The following TNS3 variants were observed in gnomAD, a reference collection of about 807,000 sequenced individuals.
TNS3 encodes tensin 3.
Under a neutral mutation model 140.9 loss-of-function variants are expected in TNS3, and 45 were observed. The observed-to-expected ratio is 0.32, with a 90% CI of 0.25 to 0.41. The LOEUF (loss-of-function observed/expected upper bound fraction) is 0.41, where lower values mean the gene tolerates loss of function less well. Among genes scored for constraint, TNS3 ranks in the 10% least tolerant of loss-of-function variants. The probability of loss-of-function intolerance (pLI) is 1.00; values close to 1 mark genes in which losing one functional copy is unlikely to be tolerated. For synonymous variants in TNS3, 815 were observed against 788.4 expected (o/e 1.03, Z -0.56); for missense variants, 1,716 against 1,906.7 (o/e 0.90, Z 1.86).
intron 17 of TNS3, among the ~76,000 whole-genome samples, chr7:47,362,916 C>G (rs1231815900): frequency 9.8e-6 from 1 of 101,786 alleles, no homozygotes; most frequent in Admixed American, 1.1e-4. Flanking sequence ...TCAACATCAC[C>G]ATTACCACCA....
chr7:47,541,287 G>A (rs1229289380), intron 1 of TNS3, among the ~76,000 whole-genome samples: 1 of 152,172 alleles, frequency 6.6e-6, no homozygotes, highest in African/African-American at 2.4e-5. Context: ...GTGACTCAGA[G>A]TTTCCAATCT....
chr7:47,567,702 A>G (rs894040471), intron 1 of TNS3, among the ~76,000 whole-genome samples: 3 of 149,400 alleles, frequency 2.0e-5, no homozygotes, highest in East Asian at 2.0e-4. Context: ...AAAAAAAAAA[A>G]AAGAAGTGAG....
intron 4 of TNS3, among the ~76,000 whole-genome samples, chr7:47,450,900 G>T (rs1452559352): frequency 6.6e-6 from 1 of 152,222 alleles, no homozygotes; most frequent in Non-Finnish European, 1.5e-5. Context: ...ACTTTGGGAG[G>T]CCAAGGCAGG....
chr7:47,382,980 G>T (rs901569711), intron 16 of TNS3, among the ~76,000 whole-genome samples: 5 of 152,114 alleles, frequency 3.3e-5, no homozygotes, highest in East Asian at 1.9e-4. Context: ...CTCCTATTTG[G>T]GACTCCCTAA....
chr7:47,425,471 T>C, intron 9 of TNS3, among the ~76,000 whole-genome samples: 1 of 152,136 alleles, frequency 6.6e-6, no homozygotes, highest in Non-Finnish European at 1.5e-5. Flanking sequence ...AGAAACATAC[T>C]CAAAAGTAAG....
At position 47,400,394 on chromosome 7, in the gene TNS3, T is replaced by C. The variant is rs1386314128; in HGVS notation, c.918A>G (p.Gln306=). 1.2e-6 allele frequency: 2 copies of C among 1,614,080 alleles called. No individual in the cohort carries two copies. The highest frequency in any genetic ancestry group is 1.7e-6 in the Non-Finnish European group (2 of 1,179,954). The stretch of plus-strand genomic sequence containing the variant: ...CCAGTATTCCACCAAGCTACCCACC[T>C]TGAATCTTCTCAGGCGTGGCAGAGA... ...LVFSATPEKI[Q]GSEHLYNDHG... is the part of the protein sequence containing the mutation. Residue 306 remains glutamine (Q), a splice_region_variant and synonymous_variant, in exon 15 of 31, where the codon CAA becomes CAG. Coordinates refer to ENST00000311160, the MANE Select transcript of TNS3 (RefSeq NM_022748.12).
chr7:47,374,536 T>A (rs934578436), intron 16 of TNS3, among the ~76,000 whole-genome samples: 4 of 152,126 alleles, frequency 2.6e-5, no homozygotes, highest in Admixed American at 2.0e-4. Flanking sequence ...TAAGACTCAA[T>A]GCAAAAGCTG....
intron 1 of TNS3, among the ~76,000 whole-genome samples, chr7:47,542,669 A>C (rs1442596978): frequency 6.6e-6 from 1 of 152,110 alleles, no homozygotes; most frequent in Non-Finnish European, 1.5e-5. Flanking sequence ...CGGTGGCTCA[A>C]CCTGTAATCC....
At chr7:47,424,049 T>C in intron 10 of TNS3, 52 bp downstream of exon 10, 1 of 1,561,626 alleles carries the variant, frequency 6.4e-7, no homozygotes, top group Non-Finnish European at 8.8e-7. Flanking sequence ...CACATTTTTA[T>C]ATGTAAAATT....
At position 47,344,745 on chromosome 7, in the gene TNS3, G is replaced by A. The variant is rs746596726; in HGVS notation, c.2650+10C>T. On this transcript the variant is annotated intron_variant, in intron 20 of 30. Coordinates refer to ENST00000311160, the MANE Select transcript of TNS3 (RefSeq NM_022748.12). ...GCCGCGCGCCTGTGACCCGCGGGTA[G>A]ATTTCTTACCACGTCCTCCTTTGTG... The A allele has an allele frequency of 3.7e-6, 6 of 1,609,726 alleles. No individual in the cohort carries two copies. The highest frequency in any genetic ancestry group is 4.2e-6 in the Non-Finnish European group (5 of 1,178,220).
intron 17 of TNS3, among the ~76,000 whole-genome samples, chr7:47,349,762 G>T (rs1789556576): frequency 6.6e-6 from 1 of 152,222 alleles, no homozygotes; most frequent in South Asian, 2.1e-4. Flanking sequence ...CAGGGTTTAA[G>T]ATACTGCAAA....
At position 47,457,946 on chromosome 7, in the gene TNS3, G is replaced by C. The variant is rs1404887852; in HGVS notation, c.-75-15891C>G. Among the ~76,000 whole-genome samples, 3 of 152,194 alleles carry C rather than the reference G, an allele frequency of 2.0e-5. No homozygotes were observed. In the East Asian group the frequency reaches 5.8e-4, roughly 29 times the overall value. On this transcript the variant is annotated intron_variant, in intron 4 of 30. Coordinates refer to ENST00000311160, the MANE Select transcript of TNS3 (RefSeq NM_022748.12). ...TGAACTTGCTCCTAGCAGCTCACAA[G>C]CAGAAGCTTGAGCCTATCAGGAGAC...
intron 4 of TNS3, among the ~76,000 whole-genome samples, chr7:47,450,750 A>T (rs1370635969): frequency 6.6e-6 from 1 of 152,234 alleles, no homozygotes; most frequent in Non-Finnish European, 1.5e-5. Context: ...CCAGGGGCCA[A>T]TATGGGTGCA....
At chr7:47,479,998 G>C (rs991200187) in intron 4 of TNS3, among the ~76,000 whole-genome samples, 1 of 152,364 alleles carries the variant, frequency 6.6e-6, no homozygotes, top group South Asian at 2.1e-4. Context: ...CAGGGGGCAA[G>C]GGCAAGGCCC....
intron 17 of TNS3, among the ~76,000 whole-genome samples, chr7:47,358,579 C>T (rs1240470863): frequency 6.6e-6 from 1 of 152,132 alleles, no homozygotes; most frequent in Admixed American, 6.5e-5. Context: ...CTGTGGGGAG[C>T]GACGCAGCCG....
intron 17 of TNS3, 74 bp downstream of exon 17, chr7:47,368,291 G>A (rs2255749): frequency 0.6 from 817,120 of 1,355,156 alleles, 254,102 homozygotes; most frequent in Non-Finnish European, 0.65. Flanking sequence ...AACCTACTAG[G>A]CTGATTTCTC....
In TNS3 at chr7:47,474,292, TAAACACAC is replaced by T. The variant is rs1181650418; in HGVS notation, c.-76+6803_-76+6810del. Among the ~76,000 whole-genome samples the T allele has an allele frequency of 1.4e-4, 12 of 86,874 alleles. No homozygotes were observed. The South Asian group carries it at 5.2e-3, about 38-fold the overall frequency. The allele number at this position is 86,874 out of a possible 152,430, so 57.0% of individuals were successfully genotyped here. ...ACACTTCACACACAACACACACACA[TAAACACAC>T]ACAGCACACACACCTCACATAACCC... On this transcript the variant is annotated intron_variant, in intron 4 of 30. Coordinates refer to ENST00000311160, the MANE Select transcript of TNS3 (RefSeq NM_022748.12).
chr7:47,445,446 G>A (rs1425165211), intron 4 of TNS3, among the ~76,000 whole-genome samples: 3 of 152,184 alleles, frequency 2.0e-5, no homozygotes, highest in Admixed American at 2.0e-4. Context: ...AGCACCTTCT[G>A]ACACCAAAAC....
At chr7:47,459,359 A>G (rs1183798335) in intron 4 of TNS3, among the ~76,000 whole-genome samples, 1 of 152,230 alleles carries the variant, frequency 6.6e-6, no homozygotes, top group African/African-American at 2.4e-5. Flanking sequence ...AACCCATTCC[A>G]TCTTTTTCTA....
Sources: gnomAD v4.1 joint callset for allele counts (sites outside exome capture counted in the v4.1 genomes callset) on GRCh38, gnomAD v4.1.1 for gene constraint, MANE v1.5 for transcripts, NCBI Gene and HGNC (gene_info 2026-07-23, HGNC 2026-07-21) for gene names.